MRC1: variants seen among roughly 807,000 people sequenced by gnomAD.
MRC1 encodes the protein macrophage mannose receptor 1.
In MRC1, 62 loss-of-function variants were observed where a neutral mutation model predicts 102.9. The ratio of observed to expected loss-of-function variants is 0.60; its 90% confidence interval spans 0.49 to 0.74. MRC1 has a LOEUF of 0.74. Among genes scored for constraint, MRC1 ranks in the 30% least tolerant of loss-of-function variants. The pLI is 0.00. For synonymous variants in MRC1, 457 were observed against 298.4 expected (o/e 1.53, Z -5.48); for missense variants, 1,237 against 862.8 (o/e 1.43, Z -5.43).
chr10:17,861,460 C>A lies in MRC1; in HGVS notation c.1592C>A (p.Thr531Asn). The change falls in exon 10 of 30, where the codon ACC becomes AAC. Residue 531 changes from threonine to asparagine, a missense_variant. By Grantham distance (65) the Thr-to-Asn change is moderately conservative. Coordinates refer to ENST00000569591, the MANE Select transcript of MRC1 (RefSeq NM_002438.4). The part of the protein sequence containing the change: ...TLSTFAEANQ[T>N]CNNENAYLTT... ...TCAACATTTGCAGAAGCAAACCAAACCTGTAATAATGAGAATGCTTATTTA... is the reference window on the plus strand; with the variant it reads ...TCAACATTTGCAGAAGCAAACCAAAACTGTAATAATGAGAATGCTTATTTA... 1 of 872,310 alleles carries A rather than the reference C, an allele frequency of 1.1e-6. No homozygotes were observed. The highest frequency in any genetic ancestry group is 2.4e-5 in the East Asian group (1 of 41,618). The allele number at this position is 872,310 out of a possible 1,614,324, so 54.0% of individuals were successfully genotyped here.
At chr10:17,847,200 A>T (rs1432631246) in intron 6 of MRC1, among the ~76,000 whole-genome samples, 3 of 152,110 alleles carry the variant, frequency 2.0e-5, no homozygotes, top group African/African-American at 7.2e-5. Context: ...TCTTTCTAAG[A>T]CTTGGAATTT....
chr10:17,814,647 C>A (rs1051949093), intron 1 of MRC1, among the ~76,000 whole-genome samples: 1 of 150,404 alleles, frequency 6.6e-6, no homozygotes, highest in South Asian at 2.1e-4. Flanking sequence ...AGAAACCCTG[C>A]AGTTCCGTGT....
chr10:17,819,550 T>C (rs1488458710), intron 1 of MRC1, among the ~76,000 whole-genome samples: 4 of 151,130 alleles, frequency 2.6e-5, no homozygotes, highest in African/African-American at 9.7e-5. Flanking sequence ...ATTTAAGGAA[T>C]TGGCTCACAC....
At chr10:17,811,085 G>T (rs61844012) in intron 1 of MRC1, among the ~76,000 whole-genome samples, 39 of 152,314 alleles carry the variant, frequency 2.6e-4, no homozygotes, top group African/African-American at 7.7e-4. Context: ...GAGCCACAGC[G>T]CCCAGCCCTG....
chr10:17,830,620 TTC>T (rs1221094552), intron 3 of MRC1, among the ~76,000 whole-genome samples: 3 of 151,308 alleles, frequency 2.0e-5, no homozygotes, highest in Non-Finnish European at 4.4e-5. Context: ...AAATTCTTGG[TTC>T]TCTCAGTTCT....
At chr10:17,901,072 A>G (rs1157528276) in intron 25 of MRC1, 119 bp downstream of exon 25, 1 of 689,202 alleles carries the variant, frequency 1.5e-6, no homozygotes, top group Non-Finnish European at 2.6e-6. Context: ...AATATAGAAC[A>G]TACTCCCTCA....
intron 24 of MRC1, among the ~76,000 whole-genome samples, chr10:17,900,238 T>C (rs1833811300): frequency 6.6e-6 from 1 of 151,374 alleles, no homozygotes. Context: ...TCACTAGAAA[T>C]CAAGAGACTA....
intron 22 of MRC1, among the ~76,000 whole-genome samples, chr10:17,890,856 A>G (rs938397487): frequency 6.6e-6 from 1 of 152,084 alleles, no homozygotes; most frequent in Admixed American, 6.6e-5. Context: ...CGAGTGAGCT[A>G]AGCTTCATCT....
chr10:17,830,565 C>T lies in MRC1; in HGVS notation c.637+2850C>T, dbSNP rs563663174. ...CATTGTTTATTGTAATGCTTTCCTT[C>T]CATGTAGACATTTATTTTCAAGTAT... On this transcript the variant is annotated intron_variant, in intron 3 of 29. Coordinates refer to ENST00000569591, the MANE Select transcript of MRC1 (RefSeq NM_002438.4). Among the ~76,000 whole-genome samples the T allele has an allele frequency of 1.5e-4, 22 of 151,434 alleles. 1 individual carries two copies. The highest frequency in any genetic ancestry group is 4.9e-4 in the African/African-American group (20 of 40,756).
intron 4 of MRC1, 140 bp from the exon 5 acceptor site, chr10:17,840,553 C>T (rs1838735620): frequency 1.5e-6 from 1 of 668,866 alleles, no homozygotes; most frequent in African/African-American, 1.8e-5. Context: ...TCAGGAGAAT[C>T]AAAGGAGACA....
At chr10:17,833,571 A>G (rs1336433707) in intron 3 of MRC1, 104 bp from the exon 4 acceptor site, 3 of 742,982 alleles carry the variant, frequency 4.0e-6, no homozygotes, top group African/African-American at 3.5e-5. Flanking sequence ...GGAAAGAAAG[A>G]AAGTGCTTCA....
intron 28 of MRC1, among the ~76,000 whole-genome samples, chr10:17,908,448 T>C (rs1833925336): frequency 6.6e-6 from 1 of 151,826 alleles, no homozygotes; most frequent in Non-Finnish European, 1.5e-5. Context: ...CTAATTTTTG[T>C]ATTTTTAGTA....
intron 11 of MRC1, among the ~76,000 whole-genome samples, chr10:17,864,706 G>A (rs964952397): frequency 4.6e-5 from 7 of 151,790 alleles, no homozygotes; most frequent in Non-Finnish European, 1.0e-4. Context: ...GTGCGTGCCT[G>A]TCATCCCAGC....
intron 11 of MRC1, among the ~76,000 whole-genome samples, chr10:17,865,971 A>G (rs1269212850): frequency 6.6e-6 from 1 of 152,202 alleles, no homozygotes; most frequent in African/African-American, 2.4e-5. Context: ...AATAACCTTG[A>G]CTGTAAGACA....
chr10:17,861,787 G>A (rs1310780939), intron 10 of MRC1, among the ~76,000 whole-genome samples: 1 of 152,240 alleles, frequency 6.6e-6, no homozygotes, highest in East Asian at 1.9e-4. Context: ...TCCATTCGAC[G>A]TTGAATTTTT....
In MRC1 at chr10:17,900,952, T is replaced by C. The variant is rs1833821416; in HGVS notation, c.3648T>C (p.Asp1216=). The C allele has an allele frequency of 5.1e-6, 4 of 780,518 alleles. No individual in the cohort carries two copies. The highest frequency in any genetic ancestry group is 9.6e-6 in the Non-Finnish European group (4 of 417,848). 48.3% of individuals were successfully genotyped at this position (780,518 alleles called of 1,614,324 possible). A position where few individuals can be genotyped will look rare whatever the true frequency, so the allele number is the denominator to read the frequency against. The change falls in exon 25 of 30, where the codon GAT becomes GAC. Residue 1216 remains aspartate, a splice_region_variant and synonymous_variant. Coordinates refer to ENST00000569591, the MANE Select transcript of MRC1 (RefSeq NM_002438.4). ...TTTACTTTCTCTGTAAAAGATCAGA[T>C]GGTAATTGAATATATAAAAACAGTC... The part of the protein sequence containing the change: ...ESFYFLCKRS[D]EIPATEPPQL...
intron 3 of MRC1, among the ~76,000 whole-genome samples, chr10:17,832,803 A>G (rs1838598317): frequency 6.6e-6 from 1 of 151,770 alleles, no homozygotes; most frequent in South Asian, 2.1e-4. Context: ...GTTAGCCAAG[A>G]TGATCTCCAT....
intron 2 of MRC1, 130 bp from the exon 3 acceptor site, chr10:17,827,412 A>AAAAAAAC: frequency 2.7e-6 from 1 of 366,278 alleles, no homozygotes; most frequent in East Asian, 5.5e-5. Context: ...AAAAAAAAAG[A>AAAAAAAC]AATCCCTCTG....
intron 8 of MRC1, among the ~76,000 whole-genome samples, chr10:17,856,038 T>C (rs1388515603): frequency 1.4e-4 from 21 of 151,854 alleles, no homozygotes; most frequent in Admixed American, 1.3e-3. Context: ...AGCTTGGTGG[T>C]GGGTTCCTGT....
Sources: gnomAD v4.1 joint callset for allele counts (sites outside exome capture counted in the v4.1 genomes callset) on GRCh38, gnomAD v4.1.1 for gene constraint, MANE v1.5 for transcripts, NCBI Gene and HGNC (gene_info 2026-07-23, HGNC 2026-07-21) for gene names.